Variants in INSYN2B observed in about 807,000 individuals in gnomAD.
INSYN2B encodes inhibitory synaptic factor family member 2B, also known as protein INSYN2B.
In INSYN2B, 16 loss-of-function variants were observed where a neutral mutation model predicts 41.2. The ratio of observed to expected loss-of-function variants is 0.39; its 90% confidence interval spans 0.26 to 0.59. The LOEUF (loss-of-function observed/expected upper bound fraction) is 0.59, where lower values mean the gene tolerates loss of function less well. INSYN2B is among the 20% of genes least tolerant of loss of function. The pLI, the probability that INSYN2B is intolerant of heterozygous loss-of-function variation, is 0.57. For synonymous variants in INSYN2B, 245 were observed against 244.4 expected, an observed-to-expected ratio of 1.00 and a Z score of -0.02; for missense variants, 608 against 646.4, an observed-to-expected ratio of 0.94 and a Z score of 0.64.
At position 169,864,246 on chromosome 5, in the gene INSYN2B, GGGGGC is replaced by G. The variant is rs1561774757; in HGVS notation, c.*22_*26del. On this transcript the variant is annotated 3_prime_UTR_variant, in exon 4 of 4. Transcript: ENST00000377365. ...CATCTCAGGGAAGTGCGTGGAGTTG[GGGGGC>G]TGGGGGATGGTCCCAACCAGCTCAG... 1.9e-6 allele frequency: 3 copies of G among 1,544,174 alleles called. No individual in the cohort carries two copies. The highest frequency in any genetic ancestry group is 1.2e-5 in the South Asian group (1 of 83,898).
At chr5:169,936,272 C>T (rs1420018325) in intron 1 of INSYN2B, among the ~76,000 whole-genome samples, 3 of 152,162 alleles carry the variant, frequency 2.0e-5, no homozygotes, top group Non-Finnish European at 2.9e-5. Context: ...AGATAATGTC[C>T]GTGCTTCAAC....
At chr5:169,885,506 T>G (rs1772921359) in intron 1 of INSYN2B, among the ~76,000 whole-genome samples, 1 of 152,206 alleles carries the variant, frequency 6.6e-6, no homozygotes, top group Non-Finnish European at 1.5e-5. Context: ...AAGGACAAAA[T>G]TCTCCCCTGA....
intron 1 of INSYN2B, among the ~76,000 whole-genome samples, chr5:169,917,311 A>G (rs1774926740): frequency 6.6e-6 from 1 of 152,218 alleles, no homozygotes; most frequent in South Asian, 2.1e-4. Flanking sequence ...AAGTGTCAAT[A>G]AATACCAATG....
intron 1 of INSYN2B, among the ~76,000 whole-genome samples, chr5:169,893,757 A>T (rs879918192): frequency 5.3e-5 from 8 of 152,224 alleles, no homozygotes; most frequent in Non-Finnish European, 1.2e-4. Context: ...AGATTTACTC[A>T]TAGGGTACAG....
chr5:169,887,228 G>A lies in INSYN2B; in HGVS notation c.-918-2412C>T, dbSNP rs369566148. Among the ~76,000 whole-genome samples the A allele has an allele frequency of 4.9e-4, 75 of 152,304 alleles. 1 individual carries two copies. Among genetic ancestry groups the A allele is most frequent in the African/African-American group, 1.6e-3 (67 of 41,580 alleles). ...TCTGAAAGTCAGTCATTATTCTGGT[G>A]TTAGCCCTGCCTTTTCTCCAGGAAG... On this transcript the variant is annotated intron_variant, in intron 1 of 3. Coordinates refer to ENST00000377365, the MANE Select transcript of INSYN2B (RefSeq NM_001129891.3).
At chr5:169,930,733 G>T (rs371031772) in intron 1 of INSYN2B, among the ~76,000 whole-genome samples, 1 of 152,252 alleles carries the variant, frequency 6.6e-6, no homozygotes, top group African/African-American at 2.4e-5. Flanking sequence ...CTACATCTTC[G>T]CCCTTTGAGA....
chr5:169,865,746 GAAGGA>G (rs998013230), intron 3 of INSYN2B, among the ~76,000 whole-genome samples: 26 of 152,234 alleles, frequency 1.7e-4, no homozygotes, highest in Admixed American at 4.6e-4. Context: ...TGTTTAGCCA[GAAGGA>G]AAATGAAATG....
intron 1 of INSYN2B, among the ~76,000 whole-genome samples, chr5:169,976,772 T>G (rs7724822): frequency 0.29 from 44,221 of 152,008 alleles, 7,309 homozygotes; most frequent in Middle Eastern, 0.39. Context: ...TGATCTGTCA[T>G]TAATGCCCAC....
chr5:169,886,744 G>T (rs1772992659), intron 1 of INSYN2B, among the ~76,000 whole-genome samples: 1 of 152,058 alleles, frequency 6.6e-6, no homozygotes, highest in African/African-American at 2.4e-5. Context: ...GCAGAGCCTA[G>T]GTATTTATAT....
intron 1 of INSYN2B, among the ~76,000 whole-genome samples, chr5:169,969,126 G>T (rs1362664837): frequency 1.3e-5 from 2 of 151,892 alleles, no homozygotes; most frequent in African/African-American, 2.4e-5. Context: ...CTCACCCTGG[G>T]TATCAAAGTG....
chr5:169,974,857 G>C (rs964174678), intron 1 of INSYN2B, among the ~76,000 whole-genome samples: 1 of 131,284 alleles, frequency 7.6e-6, no homozygotes, highest in Non-Finnish European at 1.6e-5. Context: ...ACACACACAT[G>C]TTTCCATGGA....
chr5:169,883,507 G>A lies in INSYN2B; in HGVS notation c.392C>T (p.Ala131Val). 1.9e-6 allele frequency: 3 copies of A among 1,551,650 alleles called. No individual in the cohort carries two copies. The highest frequency in any genetic ancestry group is 2.6e-6 in the Non-Finnish European group (3 of 1,146,950). The change falls in exon 2 of 4, where the codon GCC (alanine) becomes GTC (valine). Residue 131 changes from alanine (A) to valine (V), a missense_variant. Transcript: ENST00000377365. ...LVEMPTASQSAIQVNGNLSEQ... is the reference protein window; with the variant it reads ...LVEMPTASQSVIQVNGNLSEQ... ...AGAGAGGTTACCGTTGACCTGGATG[G>A]CACTTTGGGAGGCTGTTGGCATTTC... is the stretch of plus-strand genomic sequence containing the variant.
At chr5:169,914,564 A>G (rs185389630) in intron 1 of INSYN2B, among the ~76,000 whole-genome samples, 37 of 152,362 alleles carry the variant, frequency 2.4e-4, no homozygotes, top group African/African-American at 8.9e-4. Flanking sequence ...GGAAATGGTT[A>G]TATCTAATCT....
chr5:169,941,213 A>G (rs1312551483), intron 1 of INSYN2B, among the ~76,000 whole-genome samples: 1 of 151,948 alleles, frequency 6.6e-6, no homozygotes, highest in Non-Finnish European at 1.5e-5. Flanking sequence ...ATTTATTGTT[A>G]TTATTATTTT....
chr5:169,889,370 G>A (rs1773157520), intron 1 of INSYN2B, among the ~76,000 whole-genome samples: 3 of 152,162 alleles, frequency 2.0e-5, no homozygotes, highest in African/African-American at 7.2e-5. Flanking sequence ...CTGTTGTGAG[G>A]TGGGCACTGT....
chr5:169,873,103 G>A (rs1158547487), intron 3 of INSYN2B, among the ~76,000 whole-genome samples: 1 of 152,116 alleles, frequency 6.6e-6, no homozygotes, highest in Non-Finnish European at 1.5e-5. Context: ...TTATATTTAT[G>A]GCATGTGTCA....
chr5:169,972,300 A>G (rs1428554758), intron 1 of INSYN2B, among the ~76,000 whole-genome samples: 1 of 152,162 alleles, frequency 6.6e-6, no homozygotes, highest in Non-Finnish European at 1.5e-5. Flanking sequence ...ATCATTTAGT[A>G]TCATAATGTA....
intron 3 of INSYN2B, among the ~76,000 whole-genome samples, chr5:169,878,149 G>A (rs12515095): frequency 0.1 from 15,215 of 152,160 alleles, 929 homozygotes; most frequent in Admixed American, 0.17. Flanking sequence ...GACTGGAAAA[G>A]TAGAGAAGGG....
At position 169,864,170 on chromosome 5, in the gene INSYN2B, C is replaced by A; in HGVS notation, c.*103G>T. 9.3e-7 allele frequency: 1 copy of A among 1,071,862 alleles called. No homozygotes were observed. Among genetic ancestry groups the A allele is most frequent in the South Asian group, 1.4e-5 (1 of 69,810 alleles). The allele number at this position is 1,071,862 out of a possible 1,614,324, so 66.4% of individuals were successfully genotyped here. A position where few individuals can be genotyped will look rare whatever the true frequency, so the allele number is the denominator to read the frequency against. Reference sequence around the variant, plus strand: ...GTTTCACAGGCCAAGGGGCTCACAGCCCAGGGCCTTTGCAAAGAAGCAGGG... The same window carrying A: ...GTTTCACAGGCCAAGGGGCTCACAGACCAGGGCCTTTGCAAAGAAGCAGGG... On this transcript the variant is annotated 3_prime_UTR_variant, in exon 4 of 4. Coordinates refer to ENST00000377365, the MANE Select transcript of INSYN2B (RefSeq NM_001129891.3).
Sources: allele counts gnomAD v4.1 joint callset (sites outside exome capture counted in the v4.1 genomes callset), GRCh38; gene constraint gnomAD v4.1.1; transcripts MANE v1.5; gene names NCBI Gene and HGNC (gene_info 2026-07-23, HGNC 2026-07-21).